The following TJP1 variants were observed in gnomAD, a reference collection of about 807,000 sequenced individuals.
The protein encoded by TJP1 is tight junction protein ZO-1.
A neutral mutation model predicts 194.2 loss-of-function variants in TJP1; 43 were observed. The ratio of observed to expected loss-of-function variants is 0.22; its 90% CI spans 0.17 to 0.29. The LOEUF (loss-of-function observed/expected upper bound fraction) is 0.29, where lower values mean the gene tolerates loss of function less well. TJP1 is among the 10% of genes least tolerant of loss of function. TJP1 has a pLI of 1.00. For missense variants in TJP1, 1,971 were observed against 2,185.7 expected, an observed-to-expected ratio of 0.90 and a Z score of 1.96; for synonymous variants, 801 against 779.0, an observed-to-expected ratio of 1.03 and a Z score of -0.47.
intron 2 of TJP1, among the ~76,000 whole-genome samples, chr15:29,786,576 T>C (rs564392452): frequency 6.6e-6 from 1 of 152,318 alleles, no homozygotes; most frequent in Non-Finnish European, 1.5e-5. Context: ...CACAGCTGAC[T>C]GTAACCTCAA....
intron 6 of TJP1, 123 bp downstream of exon 6, chr15:29,762,211 TC>T: frequency 1.5e-6 from 1 of 687,656 alleles, no homozygotes; most frequent in Non-Finnish European, 2.4e-6. Context: ...TATATCCCTC[TC>T]CCCCAAACAC....
At position 29,744,621 on chromosome 15, in the gene TJP1, C is replaced by T. The variant is rs575085494; in HGVS notation, c.1011-1840G>A. ...ATATGGTTTTACAGCTGCATTCTCC[C>T]AACCTCGGAAAAACAAAATAATTTG... is the stretch of plus-strand genomic sequence containing the variant. On this transcript the variant is annotated intron_variant, in intron 8 of 27. Transcript: ENST00000614355. Among the ~76,000 whole-genome samples the T allele has an allele frequency of 2.6e-5, 4 of 152,230 alleles. No individual in the cohort carries two copies. In the South Asian group the frequency reaches 6.2e-4, roughly 24 times the overall value.
rs768810062 is a variant in TJP1, at chr15:29,716,739, C to T, written c.4074G>A (p.Gln1358=). The change falls in exon 23 of 28, where the codon CAG becomes CAA. Residue 1358 remains glutamine (Q), a synonymous_variant. Coordinates refer to ENST00000614355, the MANE Select transcript of TJP1 (RefSeq NM_001330239.4). The part of the protein sequence containing the change: ...PEEDEEYYRK[Q]LSYFDRRSFE... Reference sequence around the variant, plus strand: ...AACTTCTTCGGTCAAAGTATGACAGCTGTTTTCGATAATATTCTTCATCTT... The same window carrying T: ...AACTTCTTCGGTCAAAGTATGACAGTTGTTTTCGATAATATTCTTCATCTT... 1 of 1,614,066 alleles carries T rather than the reference C, an allele frequency of 6.2e-7. No homozygotes were observed. The highest frequency in any genetic ancestry group is 8.5e-7 in the Non-Finnish European group (1 of 1,180,006).
At chr15:29,798,283 T>C (rs1381149658) in intron 2 of TJP1, among the ~76,000 whole-genome samples, 1 of 151,838 alleles carries the variant, frequency 6.6e-6, no homozygotes, top group African/African-American at 2.4e-5. Flanking sequence ...TTTTTTTTTT[T>C]TTCTTTTCTT....
intron 2 of TJP1, among the ~76,000 whole-genome samples, chr15:29,863,762 C>G (rs928955850): frequency 2.0e-5 from 3 of 152,172 alleles, no homozygotes; most frequent in African/African-American, 7.2e-5. Context: ...ATGTTCGTCT[C>G]TGGACTTCAA....
At chr15:29,902,382 T>C (rs2053661889) in intron 2 of TJP1, among the ~76,000 whole-genome samples, 1 of 152,128 alleles carries the variant, frequency 6.6e-6, no homozygotes, top group Non-Finnish European at 1.5e-5. Context: ...ATTAGCAAAC[T>C]AAAGGTAAAA....
At chr15:29,704,958 C>G (rs761711514) in intron 26 of TJP1, among the ~76,000 whole-genome samples, 1 of 152,166 alleles carries the variant, frequency 6.6e-6, no homozygotes, top group Non-Finnish European at 1.5e-5. Flanking sequence ...CTAAAAGATG[C>G]TAAATCACAA....
At chr15:29,779,637 T>C (rs765599028) in intron 2 of TJP1, among the ~76,000 whole-genome samples, 17 of 152,226 alleles carry the variant, frequency 1.1e-4, no homozygotes, top group Admixed American at 2.6e-4. Flanking sequence ...CAACAAGTAT[T>C]TGATTGATTA....
intron 8 of TJP1, chr15:29,760,185 G>A: frequency 1.4e-6 from 1 of 701,948 alleles, no homozygotes; most frequent in Non-Finnish European, 2.6e-6. Context: ...GGGTCAGGTG[G>A]TGGCCTATAG....
intron 2 of TJP1, among the ~76,000 whole-genome samples, chr15:29,942,017 A>C (rs920135188): frequency 3.3e-5 from 5 of 152,214 alleles, no homozygotes; most frequent in African/African-American, 1.2e-4. Context: ...TCTCAGCCCT[A>C]GACAGAGAGG....
chr15:29,910,742 T>A (rs914871311), intron 2 of TJP1, among the ~76,000 whole-genome samples: 1 of 152,248 alleles, frequency 6.6e-6, no homozygotes, highest in East Asian at 1.9e-4. Context: ...ACTCTAATGA[T>A]ATGAGAGTAA....
chr15:29,729,610 G>GGC (rs2043473389), intron 15 of TJP1: 1 of 152,016 alleles, frequency 6.6e-6, no homozygotes, highest in Non-Finnish European at 1.5e-5. Context: ...ACGAGGTCAG[G>GGC]AGATCGAGAC....
chr15:29,735,138 T>C (rs905869673), intron 11 of TJP1, among the ~76,000 whole-genome samples: 1 of 152,044 alleles, frequency 6.6e-6, no homozygotes, highest in African/African-American at 2.4e-5. Flanking sequence ...CTTATTAAAA[T>C]GTCACCAGTG....
intron 2 of TJP1, among the ~76,000 whole-genome samples, chr15:29,920,177 G>C (rs1204428033): frequency 1.3e-5 from 2 of 152,148 alleles, no homozygotes; most frequent in Admixed American, 6.5e-5. Context: ...CTCTCACTGG[G>C]GCCTGCTTCA....
intron 1 of TJP1, among the ~76,000 whole-genome samples, chr15:29,813,446 T>A (rs1320594810): frequency 6.6e-6 from 1 of 152,150 alleles, no homozygotes; most frequent in Non-Finnish European, 1.5e-5. Context: ...AATAAAGTCC[T>A]CATACAATGG....
chr15:29,718,803 G>C lies in TJP1; in HGVS notation c.3339C>G (p.Asp1113Glu), dbSNP rs749044471. ...CTTCGGGATGCTGTCTGGAGTCAAG[G>C]TCTTGAGAGTGCTGATTATCAAAAG... is the stretch of plus-strand genomic sequence containing the variant. Reference protein sequence around the residue: ...RPPFDNQHSQDLDSRQHPEES... With the variant: ...RPPFDNQHSQELDSRQHPEES... The change falls in exon 21 of 28, where the codon GAC (aspartate) becomes GAG (glutamate). Residue 1113 changes from aspartate (D) to glutamate (E), a missense_variant. Physicochemically the swap from Asp to Glu is conservative, Grantham distance 45 (BLOSUM62 2). Transcript: ENST00000614355. 1 of 1,614,202 alleles carries C rather than the reference G, an allele frequency of 6.2e-7. No homozygotes were observed. Among genetic ancestry groups the C allele is most frequent in the Admixed American group, 1.7e-5 (1 of 60,024 alleles).
At chr15:29,733,847 A>G (rs926919790) in intron 12 of TJP1, among the ~76,000 whole-genome samples, 1 of 152,236 alleles carries the variant, frequency 6.6e-6, no homozygotes, top group African/African-American at 2.4e-5. Flanking sequence ...GCCAAGGCTG[A>G]GAAACCTGGC....
rs547949066 is a variant in TJP1 at position 29,777,451 on chromosome 15, G to A, written c.85-4094C>T. Among the ~76,000 whole-genome samples, 42 of 151,814 alleles carry A rather than the reference G, an allele frequency of 2.8e-4. 1 individual carries two copies. In the South Asian group the frequency reaches 8.4e-3, roughly 30 times the overall value. On this transcript the variant is annotated intron_variant, in intron 2 of 27. Coordinates refer to ENST00000614355, the MANE Select transcript of TJP1 (RefSeq NM_001330239.4). The stretch of plus-strand genomic sequence containing the variant: ...CCACAGACCATACTTTGAAAATGTC[G>A]ATATTAAGAACTACTTAAACATGAA...
chr15:29,843,432 G>A (rs1567126187), intron 2 of TJP1, among the ~76,000 whole-genome samples: 11 of 152,022 alleles, frequency 7.2e-5, no homozygotes, highest in Admixed American at 6.6e-4. Context: ...CAGGTGATCC[G>A]CCAGCCTCAG....
Sources: allele counts gnomAD v4.1 joint callset (sites outside exome capture counted in the v4.1 genomes callset), GRCh38; gene constraint gnomAD v4.1.1; transcripts MANE v1.5; gene names NCBI Gene and HGNC (gene_info 2026-07-23, HGNC 2026-07-21).